The following BTBD9 variants were observed in gnomAD, a reference collection of about 807,000 sequenced individuals.
BTBD9 encodes BTB domain containing 9, also known as BTB/POZ domain-containing protein 9.
In BTBD9, 49 loss-of-function variants were observed where a neutral mutation model predicts 64.3. That is an observed-to-expected ratio of 0.76 (90% CI 0.61 to 0.97). The LOEUF (loss-of-function observed/expected upper bound fraction) is 0.97, where lower values mean the gene tolerates loss of function less well. BTBD9 is among the 50% of genes least tolerant of loss of function. The pLI is 0.00. For missense variants in BTBD9, 598 were observed against 762.1 expected, an observed-to-expected ratio of 0.78 and a Z score of 2.53; for synonymous variants, 260 against 274.7, an observed-to-expected ratio of 0.95 and a Z score of 0.53.
At chr6:38,625,503 G>A (rs1042918257) in intron 1 of BTBD9, among the ~76,000 whole-genome samples, 1 of 152,136 alleles carries the variant, frequency 6.6e-6, no homozygotes, top group Non-Finnish European at 1.5e-5. Context: ...TACATAATGG[G>A]TACTCACTTT....
chr6:38,481,254 A>G (rs185825260), intron 6 of BTBD9, among the ~76,000 whole-genome samples: 28 of 152,348 alleles, frequency 1.8e-4, no homozygotes, highest in African/African-American at 6.0e-4. Flanking sequence ...CCCTTCTTCA[A>G]GGAGACAACC....
intron 9 of BTBD9, among the ~76,000 whole-genome samples, chr6:38,245,077 TC>T (rs1040860676): frequency 2.0e-5 from 3 of 152,176 alleles, no homozygotes; most frequent in Non-Finnish European, 2.9e-5. Flanking sequence ...CACGCATGCT[TC>T]TATTCATTCA....
chr6:38,536,990 C>T (rs1431142077), intron 6 of BTBD9, among the ~76,000 whole-genome samples: 1 of 151,554 alleles, frequency 6.6e-6, no homozygotes, highest in Non-Finnish European at 1.5e-5. Flanking sequence ...GTTTGTAACA[C>T]AGAAAAAAGA....
At chr6:38,421,009 A>G (rs1266009544) in intron 6 of BTBD9, among the ~76,000 whole-genome samples, 2 of 152,176 alleles carry the variant, frequency 1.3e-5, no homozygotes, top group African/African-American at 4.8e-5. Flanking sequence ...GGATTGTCTA[A>G]AGCTTTTAAG....
chr6:38,333,463 G>A (rs1157592522), intron 7 of BTBD9, among the ~76,000 whole-genome samples: 2 of 152,164 alleles, frequency 1.3e-5, no homozygotes, highest in Admixed American at 6.5e-5. Context: ...CAAATCTCAT[G>A]TCAAATCGTA....
chr6:38,442,590 T>C (rs1161691275), intron 6 of BTBD9, among the ~76,000 whole-genome samples: 1 of 151,522 alleles, frequency 6.6e-6, no homozygotes, highest in African/African-American at 2.4e-5. Flanking sequence ...CAGTCCACAC[T>C]GTTTAACAAC....
chr6:38,447,207 A>G (rs543415060), intron 6 of BTBD9, among the ~76,000 whole-genome samples: 10 of 152,212 alleles, frequency 6.6e-5, no homozygotes, highest in Non-Finnish European at 1.5e-4. Context: ...TGAAGACTCA[A>G]AAAAATCCTG....
At chr6:38,386,891 C>T (rs1057232146) in intron 6 of BTBD9, among the ~76,000 whole-genome samples, 2 of 152,132 alleles carry the variant, frequency 1.3e-5, no homozygotes, top group Admixed American at 6.5e-5. Flanking sequence ...CATCTGCCCA[C>T]CCTGGGCTCC....
chr6:38,506,862 T>C (rs1412260261), intron 6 of BTBD9, among the ~76,000 whole-genome samples: 3 of 152,208 alleles, frequency 2.0e-5, no homozygotes, highest in African/African-American at 7.2e-5. Flanking sequence ...ATTAATACCA[T>C]GGCATAAACG....
At chr6:38,610,389 G>A (rs555312626) in intron 1 of BTBD9, among the ~76,000 whole-genome samples, 1 of 152,280 alleles carries the variant, frequency 6.6e-6, no homozygotes, top group South Asian at 2.1e-4. Context: ...AAAGAAGGTA[G>A]CTTTTTAAGG....
chr6:38,354,014 A>G (rs904184246), intron 6 of BTBD9, among the ~76,000 whole-genome samples: 7 of 151,880 alleles, frequency 4.6e-5, no homozygotes, highest in African/African-American at 1.7e-4. Flanking sequence ...TTTTTCTTTT[A>G]GAGTAGAGAG....
At chr6:38,484,835 C>G (rs572668140) in intron 6 of BTBD9, among the ~76,000 whole-genome samples, 30 of 152,292 alleles carry the variant, frequency 2.0e-4, no homozygotes, top group African/African-American at 7.0e-4. Flanking sequence ...AGGATCACGC[C>G]TCAATGTTGA....
intron 6 of BTBD9, among the ~76,000 whole-genome samples, chr6:38,434,380 T>C (rs768887306): frequency 4.6e-5 from 7 of 151,998 alleles, no homozygotes; most frequent in Non-Finnish European, 8.8e-5. Context: ...ATTTCCTTTC[T>C]ATTGATCCCA....
rs561647071 is a variant in BTBD9, at chr6:38,408,123, G to A, written c.1155-63030C>T. On this transcript the variant is annotated intron_variant, in intron 6 of 10. Transcript: ENST00000481247. ...TGTAATCTCAGCACTTTGAGAGGCCGAGGCAAGAGGATCACATGAGGCCAG... is the reference window on the plus strand; with the variant it reads ...TGTAATCTCAGCACTTTGAGAGGCCAAGGCAAGAGGATCACATGAGGCCAG... Among the ~76,000 whole-genome samples, 10 of 152,264 alleles carry A rather than the reference G, an allele frequency of 6.6e-5. No individual in the cohort carries two copies. The South Asian group carries it at 1.0e-3, about 16-fold the overall frequency.
chr6:38,300,118 C>T (rs1306370337), intron 7 of BTBD9, among the ~76,000 whole-genome samples: 2 of 152,154 alleles, frequency 1.3e-5, no homozygotes, highest in Non-Finnish European at 2.9e-5. Context: ...ATAGGGAATC[C>T]TTTCCCCATT....
chr6:38,343,794 T>G (rs1764186496), intron 7 of BTBD9, among the ~76,000 whole-genome samples: 1 of 152,166 alleles, frequency 6.6e-6, no homozygotes, highest in African/African-American at 2.4e-5. Flanking sequence ...ATTGGAAAAT[T>G]TTCCACTCCT....
chr6:38,263,000 C>T (rs1759256149), intron 8 of BTBD9, among the ~76,000 whole-genome samples: 1 of 152,198 alleles, frequency 6.6e-6, no homozygotes, highest in Admixed American at 6.5e-5. Context: ...GGCCTGGGAC[C>T]ATAATGCCAC....
intron 1 of BTBD9, among the ~76,000 whole-genome samples, chr6:38,608,205 T>C (rs1200790860): frequency 6.6e-6 from 1 of 152,210 alleles, no homozygotes; most frequent in African/African-American, 2.4e-5. Context: ...ATTGCAACTC[T>C]AAGAAGTTGC....
intron 9 of BTBD9, among the ~76,000 whole-genome samples, chr6:38,197,696 C>T (rs1762311298): frequency 6.6e-6 from 1 of 152,240 alleles, no homozygotes; most frequent in African/African-American, 2.4e-5. Context: ...ATTACTCTCA[C>T]ATCTTTACAT....
Sources: gnomAD v4.1 joint callset for allele counts (sites outside exome capture counted in the v4.1 genomes callset) on GRCh38, gnomAD v4.1.1 for gene constraint, MANE v1.5 for transcripts, NCBI Gene and HGNC (gene_info 2026-07-23, HGNC 2026-07-21) for gene names.